The following PPM1H variants were observed in gnomAD, a reference collection of about 807,000 sequenced individuals.
The protein encoded by PPM1H is protein phosphatase, Mg2+/Mn2+ dependent 1H.
A neutral mutation model predicts 54.9 loss-of-function variants in PPM1H; 27 were observed. The observed-to-expected ratio is 0.49, with a 90% CI of 0.36 to 0.68. The LOEUF is 0.68. Among genes scored for constraint, PPM1H ranks in the 30% least tolerant of loss-of-function variants. The pLI, the probability that PPM1H is intolerant of heterozygous loss-of-function variation, is 0.00. For missense variants in PPM1H, 596 were observed against 667.8 expected (o/e 0.89, Z 1.19); for synonymous variants, 305 against 270.8 (o/e 1.13, Z -1.24).
At chr12:62,652,053 A>ATTTCT (rs1436175530) in intron 9 of PPM1H, among the ~76,000 whole-genome samples, 1 of 152,130 alleles carries the variant, frequency 6.6e-6, no homozygotes, top group African/African-American at 2.4e-5. Flanking sequence ...ATGATCATTA[A>ATTTCT]TTTCTTTTTA....
At chr12:62,830,406 C>T (rs1268931848) in intron 2 of PPM1H, among the ~76,000 whole-genome samples, 1 of 152,124 alleles carries the variant, frequency 6.6e-6, no homozygotes, top group Non-Finnish European at 1.5e-5. Flanking sequence ...CAGGCACCCG[C>T]CACCATGCCC....
chr12:62,720,376 A>G (rs2270484), intron 5 of PPM1H, 87 bp from the exon 6 acceptor site: 183,578 of 1,013,184 alleles, frequency 0.18, 17,593 homozygotes, highest in Admixed American at 0.27. Flanking sequence ...GCAAATTGAG[A>G]CAGGCCATAT....
intron 1 of PPM1H, among the ~76,000 whole-genome samples, chr12:62,909,206 C>G (rs1871386759): frequency 6.6e-6 from 1 of 152,178 alleles, no homozygotes; most frequent in African/African-American, 2.4e-5. Context: ...CTACTATCAT[C>G]CTGGCCCAAA....
intron 1 of PPM1H, among the ~76,000 whole-genome samples, chr12:62,923,879 G>A (rs889760325): frequency 6.6e-6 from 1 of 152,166 alleles, no homozygotes; most frequent in Non-Finnish European, 1.5e-5. Flanking sequence ...CAATCCTCTA[G>A]GGCAGGTTAA....
chr12:62,852,501 C>T (rs145911214), intron 1 of PPM1H, among the ~76,000 whole-genome samples: 162 of 152,010 alleles, frequency 1.1e-3, no homozygotes, highest in African/African-American at 3.8e-3. Flanking sequence ...ACTCAGTCTG[C>T]GATACTTTGT....
intron 8 of PPM1H, among the ~76,000 whole-genome samples, chr12:62,669,182 ACATGAAAGCCT>A (rs1171494254): frequency 6.6e-6 from 1 of 152,240 alleles, no homozygotes; most frequent in African/African-American, 2.4e-5. Flanking sequence ...ATTAAAGAAA[ACATGAAAGCCT>A]CAGTTTCCGG....
At chr12:62,799,516 A>G (rs1439999280) in intron 3 of PPM1H, among the ~76,000 whole-genome samples, 1 of 152,218 alleles carries the variant, frequency 6.6e-6, no homozygotes, top group Non-Finnish European at 1.5e-5. Context: ...AATAAATTCA[A>G]TACTTGGCAT....
At chr12:62,683,033 T>TTATTTTTTA in intron 8 of PPM1H, among the ~76,000 whole-genome samples, 1 of 133,664 alleles carries the variant, frequency 7.5e-6, no homozygotes. Context: ...GAGTTTATTA[T>TTATTTTTTA]TTATTATTAT....
chr12:62,644,970 C>G lies in PPM1H; in HGVS notation c.*3519G>C, dbSNP rs1410616316. 2 of 152,182 alleles carry G rather than the reference C, an allele frequency of 1.3e-5. No homozygotes were observed. Among genetic ancestry groups the G allele is most frequent in the Admixed American group, 1.3e-4 (2 of 15,284 alleles). The allele number at this position is 152,182 out of a possible 1,614,324, so 9.4% of individuals were successfully genotyped here. ...CTTAACATATTCACTCTGAAAACAG[C>G]GGAGCTGCTGGGTCGCTTAAGGAAA... is the stretch of plus-strand genomic sequence containing the variant. On this transcript the variant is annotated 3_prime_UTR_variant, in exon 10 of 10. Transcript: ENST00000228705.
chr12:62,878,691 G>A (rs1253521617), intron 1 of PPM1H, among the ~76,000 whole-genome samples: 1 of 140,148 alleles, frequency 7.1e-6, no homozygotes, highest in Non-Finnish European at 1.5e-5. Flanking sequence ...TGTAATCCCA[G>A]CACTCTGGGA....
At chr12:62,708,079 G>A (rs1002030732) in intron 6 of PPM1H, among the ~76,000 whole-genome samples, 1 of 152,170 alleles carries the variant, frequency 6.6e-6, no homozygotes, top group Admixed American at 6.5e-5. Flanking sequence ...TTACAACAAA[G>A]GAGAGAGGCA....
intron 1 of PPM1H, chr12:62,850,811 CAG>C (rs1206041132): frequency 1.3e-5 from 2 of 151,770 alleles, no homozygotes; most frequent in South Asian, 2.1e-4. Context: ...GGGGAAATCA[CAG>C]GGGTCAGCAC....
intron 1 of PPM1H, among the ~76,000 whole-genome samples, chr12:62,899,931 C>T (rs762692983): frequency 2.6e-5 from 4 of 152,146 alleles, no homozygotes; most frequent in Non-Finnish European, 5.9e-5. Flanking sequence ...GGGGTTACTG[C>T]CCTCATAAAA....
intron 4 of PPM1H, among the ~76,000 whole-genome samples, chr12:62,738,658 C>T (rs1406415220): frequency 6.6e-6 from 1 of 152,066 alleles, no homozygotes; most frequent in Non-Finnish European, 1.5e-5. Context: ...ATGGAAGTGG[C>T]TTGGGGAATT....
chr12:62,929,414 G>C (rs1431620384), intron 1 of PPM1H, among the ~76,000 whole-genome samples: 2 of 152,104 alleles, frequency 1.3e-5, no homozygotes, highest in Non-Finnish European at 2.9e-5. Flanking sequence ...AACTATAAAG[G>C]CACCAGAGTT....
At chr12:62,858,074 C>T (rs1869457190) in intron 1 of PPM1H, among the ~76,000 whole-genome samples, 1 of 151,984 alleles carries the variant, frequency 6.6e-6, no homozygotes, top group Non-Finnish European at 1.5e-5. Flanking sequence ...CCACCACCAC[C>T]ACCACCCCAT....
At chr12:62,897,640 G>T (rs1385884827) in intron 1 of PPM1H, among the ~76,000 whole-genome samples, 1 of 152,090 alleles carries the variant, frequency 6.6e-6, no homozygotes, top group Non-Finnish European at 1.5e-5. Context: ...AGCTGGAATG[G>T]TGTGGGATCC....
At chr12:62,883,046 G>A (rs1870453252) in intron 1 of PPM1H, among the ~76,000 whole-genome samples, 1 of 152,140 alleles carries the variant, frequency 6.6e-6, no homozygotes. Flanking sequence ...TTATTTCTGT[G>A]AGTAACCTCC....
At chr12:62,712,870 GGGGTTTCTGTAACA>G (rs2076214935) in intron 6 of PPM1H, among the ~76,000 whole-genome samples, 1 of 152,174 alleles carries the variant, frequency 6.6e-6, no homozygotes, top group South Asian at 2.1e-4. Flanking sequence ...GATAAAGCCT[GGGGTTTCTGTAACA>G]GGGCTTCTGT....
Sources: gnomAD v4.1 joint callset for allele counts (sites outside exome capture counted in the v4.1 genomes callset) on GRCh38, gnomAD v4.1.1 for gene constraint, MANE v1.5 for transcripts, NCBI Gene and HGNC (gene_info 2026-07-23, HGNC 2026-07-21) for gene names.